FANCB: variants seen among roughly 807,000 people sequenced by gnomAD.
FANCB encodes the protein Fanconi anemia group B protein.
FANCB carries 5 observed loss-of-function variants against 38.9 expected under a neutral mutation model. The ratio of observed to expected loss-of-function variants is 0.13; its 90% CI spans 0.07 to 0.27. The LOEUF (loss-of-function observed/expected upper bound fraction) is 0.27, where lower values mean the gene tolerates loss of function less well. Among genes scored for constraint, FANCB ranks in the 10% least tolerant of loss-of-function variants. FANCB has a pLI of 1.00. For missense variants in FANCB, 573 were observed against 602.7 expected (o/e 0.95, Z 0.52); for synonymous variants, 236 against 215.4 (o/e 1.10, Z -0.84).
chrX:14,834,269 A>C (rs1363525387), downstream of FANCB, among the ~76,000 whole-genome samples: 1 of 111,651 alleles, frequency 9.0e-6, no homozygotes, highest in African/African-American at 3.3e-5. Context: ...ACATACTTAA[A>C]ACAAGAAAGG....
the FANCB span, among the ~76,000 whole-genome samples, chrX:14,792,133 G>A: frequency 9.0e-6 from 1 of 111,563 alleles, no homozygotes; most frequent in Non-Finnish European, 1.9e-5. Context: ...CAAGAACATC[G>A]GGAGCATTAG....
chrX:14,748,703 T>G, the FANCB span, among the ~76,000 whole-genome samples: 1 of 111,379 alleles, frequency 9.0e-6, no homozygotes, highest in East Asian at 2.8e-4. Context: ...CTAGGTTGGA[T>G]CCCATCACTT....
chrX:14,699,310 A>G, the FANCB span, among the ~76,000 whole-genome samples: 2 of 112,084 alleles, frequency 1.8e-5, no homozygotes, highest in Non-Finnish European at 3.8e-5. Flanking sequence ...CCTAATTTCA[A>G]ATGTTTCCAG....
chrX:14,841,414 G>A (rs1293084572), downstream of FANCB, among the ~76,000 whole-genome samples: 1 of 112,371 alleles, frequency 8.9e-6, no homozygotes, highest in Non-Finnish European at 1.9e-5. Flanking sequence ...CTACTGGGGA[G>A]AGCAGGTAGA....
rs755077854 is a variant in FANCB, at chrX:14,843,680, T to A, written c.2467A>T (p.Met823Leu). 3.3e-6 allele frequency: 4 copies of A among 1,210,072 alleles called. No individual in the cohort carries two copies. The South Asian group carries it at 7.0e-5, about 21-fold the overall frequency. ...RKELQREKKK[M>L]LQTNLKVSGA... is the part of the protein sequence containing the mutation. ...CTCACTTTTAGGTTCGTTTGCAACA[T>A]TTTCTTCTTTTCTCTCTGAAGTTCT... The change falls in exon 10 of 10, where the codon ATG becomes TTG. Residue 823 changes from methionine to leucine, a missense_variant. Met to Leu is a conservative substitution (Grantham distance 15). Coordinates refer to ENST00000650831, the MANE Select transcript of FANCB (RefSeq NM_001018113.3).
the FANCB span, among the ~76,000 whole-genome samples, chrX:14,745,687 ATTTTTTTTTTTTTTT>A: frequency 1.4e-4 from 4 of 29,219 alleles, no homozygotes; most frequent in East Asian, 4.1e-3. Flanking sequence ...AAACTCTGGA[ATTTTTTTTTTTTTTT>A]TTTTTTTTTT....
chrX:14,778,713 C>T, the FANCB span, among the ~76,000 whole-genome samples: 2 of 112,377 alleles, frequency 1.8e-5, no homozygotes, highest in Admixed American at 9.4e-5. Flanking sequence ...CAATCTAAGA[C>T]TATGAGTTTA....
At chrX:14,812,127 A>G in the FANCB span, among the ~76,000 whole-genome samples, 1 of 110,425 alleles carries the variant, frequency 9.1e-6, no homozygotes, top group Admixed American at 9.6e-5. Flanking sequence ...GAGAACAAAG[A>G]CACAACATAC....
At chrX:14,842,250 G>A (rs1317980694), downstream of FANCB, among the ~76,000 whole-genome samples, 1 of 111,489 alleles carries the variant, frequency 9.0e-6, no homozygotes, top group Non-Finnish European at 1.9e-5. Flanking sequence ...TAGGAAAGGA[G>A]GTCCCTTATT....
At chrX:14,697,289 G>A in the FANCB span, among the ~76,000 whole-genome samples, 1 of 111,725 alleles carries the variant, frequency 9.0e-6, no homozygotes, top group Non-Finnish European at 1.9e-5. Context: ...TTTAGAATTT[G>A]TCCTGGATTA....
At chrX:14,854,483 G>C (rs927441647) in intron 5 of FANCB, among the ~76,000 whole-genome samples, 7 of 111,586 alleles carry the variant, frequency 6.3e-5, no homozygotes, top group Non-Finnish European at 1.1e-4. Flanking sequence ...CAATGTGAAA[G>C]TACACCTCAC....
chrX:14,840,390 C>T (rs891177982), downstream of FANCB, among the ~76,000 whole-genome samples: 1 of 111,104 alleles, frequency 9.0e-6, no homozygotes, highest in African/African-American at 3.3e-5. Context: ...TGATTAGACC[C>T]AATTTAGGTC....
the FANCB span, among the ~76,000 whole-genome samples, chrX:14,739,772 C>A: frequency 8.9e-6 from 1 of 111,863 alleles, no homozygotes; most frequent in Non-Finnish European, 1.9e-5. Context: ...AAAAGAGGCA[C>A]TATTTCTACT....
chrX:14,734,909 G>A, the FANCB span, among the ~76,000 whole-genome samples: 10 of 107,251 alleles, frequency 9.3e-5, no homozygotes, highest in African/African-American at 3.1e-4. Context: ...TTTCTTGGAG[G>A]CTTTGTTCGG....
At chrX:14,811,821 A>G in the FANCB span, among the ~76,000 whole-genome samples, 1 of 111,619 alleles carries the variant, frequency 9.0e-6, no homozygotes, top group East Asian at 2.8e-4. Context: ...GACCTAATAG[A>G]CATCTACGGA....
At chrX:14,864,499 A>G in intron 3 of FANCB, 61 bp downstream of exon 3, 4 of 746,593 alleles carry the variant, frequency 5.4e-6, no homozygotes, top group Non-Finnish European at 2.1e-6. Flanking sequence ...TCTATGAACT[A>G]TACAAATGTT....
chrX:14,727,275 C>G, the FANCB span, among the ~76,000 whole-genome samples: 1 of 111,813 alleles, frequency 8.9e-6, no homozygotes, highest in Non-Finnish European at 1.9e-5. Flanking sequence ...GAGCTGAAAC[C>G]CACAGATCCC....
chrX:14,814,850 A>G, the FANCB span, among the ~76,000 whole-genome samples: 4 of 112,115 alleles, frequency 3.6e-5, no homozygotes, highest in East Asian at 5.6e-4. Flanking sequence ...AAATCATGCT[A>G]CTATAAAGAC....
At chrX:14,830,103 G>A in the FANCB span, among the ~76,000 whole-genome samples, 63 of 111,608 alleles carry the variant, frequency 5.6e-4, no homozygotes, top group African/African-American at 2.0e-3. Flanking sequence ...CTGATGAGAG[G>A]GAGAGAAACA....
Sources: allele counts gnomAD v4.1 joint callset (sites outside exome capture counted in the v4.1 genomes callset), GRCh38; gene constraint gnomAD v4.1.1; transcripts MANE v1.5; gene names NCBI Gene and HGNC (gene_info 2026-07-23, HGNC 2026-07-21).